Variants in NTNG1 observed in about 807,000 individuals in gnomAD.
NTNG1 encodes netrin G1, also known as netrin-G1.
NTNG1 carries 16 observed loss-of-function variants against 54.0 expected under a neutral mutation model. The ratio of observed to expected loss-of-function variants is 0.30; its 90% CI spans 0.20 to 0.45. The LOEUF is 0.45. Ranked by LOEUF, NTNG1 falls within the 20% of genes least tolerant of loss-of-function variation. The pLI, the probability that NTNG1 is intolerant of heterozygous loss-of-function variation, is 1.00. For missense variants in NTNG1, 530 were observed against 678.7 expected (o/e 0.78, Z 2.43); for synonymous variants, 255 against 263.1 (o/e 0.97, Z 0.30).
chr1:107,322,890 A>G (rs961131729), intron 2 of NTNG1, among the ~76,000 whole-genome samples: 1 of 152,034 alleles, frequency 6.6e-6, no homozygotes, highest in African/African-American at 2.4e-5. Flanking sequence ...CAACTTTAGG[A>G]TTCGGTTACA....
intron 3 of NTNG1, among the ~76,000 whole-genome samples, chr1:107,340,629 A>G (rs1184030880): frequency 6.6e-6 from 1 of 152,114 alleles, no homozygotes; most frequent in Non-Finnish European, 1.5e-5. Flanking sequence ...TTTACTATCA[A>G]AATGAGATGC....
intron 7 of NTNG1, among the ~76,000 whole-genome samples, chr1:107,472,111 T>C (rs1309676627): frequency 6.6e-6 from 1 of 152,144 alleles, no homozygotes; most frequent in Non-Finnish European, 1.5e-5. Context: ...GAGACTTGAA[T>C]CACAGAATCT....
intron 2 of NTNG1, among the ~76,000 whole-genome samples, chr1:107,187,465 G>A (rs963035198): frequency 6.6e-6 from 1 of 152,154 alleles, no homozygotes; most frequent in Admixed American, 6.6e-5. Context: ...TGAAAGTTAA[G>A]CTCTAGCATA....
At chr1:107,361,391 A>ATTTTT (rs1177736263) in intron 3 of NTNG1, among the ~76,000 whole-genome samples, 8 of 87,970 alleles carry the variant, frequency 9.1e-5, no homozygotes, top group South Asian at 4.0e-4. Flanking sequence ...ATATATATAT[A>ATTTTT]TTTTTTTTTT....
chr1:107,216,018 T>C (rs1659931970), intron 2 of NTNG1, among the ~76,000 whole-genome samples: 1 of 152,204 alleles, frequency 6.6e-6, no homozygotes, highest in Non-Finnish European at 1.5e-5. Context: ...CTTTGCTGAA[T>C]TCATTTCCCA....
intron 2 of NTNG1, among the ~76,000 whole-genome samples, chr1:107,319,778 A>G (rs1667543362): frequency 6.6e-6 from 1 of 151,912 alleles, no homozygotes; most frequent in African/African-American, 2.4e-5. Context: ...TGTTGTTTCC[A>G]ATAGTTTGCC....
At chr1:107,413,463 T>A (rs1673979809) in intron 5 of NTNG1, among the ~76,000 whole-genome samples, 1 of 151,818 alleles carries the variant, frequency 6.6e-6, no homozygotes, top group African/African-American at 2.4e-5. Flanking sequence ...TTTTTTCAAT[T>A]AAAAAAAATG....
intron 2 of NTNG1, among the ~76,000 whole-genome samples, chr1:107,239,666 A>G (rs116547023): frequency 2.6e-5 from 4 of 152,194 alleles, no homozygotes; most frequent in Admixed American, 2.6e-4. Context: ...AGGCCACTGG[A>G]GCCATGATGT....
intron 7 of NTNG1, among the ~76,000 whole-genome samples, chr1:107,452,730 G>A (rs941861578): frequency 6.6e-6 from 1 of 152,126 alleles, no homozygotes; most frequent in Non-Finnish European, 1.5e-5. Flanking sequence ...TCTCTGCCAT[G>A]ATACAATGAA....
At chr1:107,227,166 C>G (rs4431870) in intron 2 of NTNG1, among the ~76,000 whole-genome samples, 1 of 152,046 alleles carries the variant, frequency 6.6e-6, no homozygotes, top group African/African-American at 2.4e-5. Flanking sequence ...TGTTTGCCTA[C>G]GTTTCCTCAT....
chr1:107,395,068 G>T, intron 3 of NTNG1, 86 bp from the exon 4 acceptor site: 1 of 1,025,326 alleles, frequency 9.8e-7, no homozygotes, highest in Middle Eastern at 2.1e-4. Context: ...AGCACTGCAT[G>T]GTTTGAGGAG....
At chr1:107,242,735 CT>C (rs1456886693) in intron 2 of NTNG1, among the ~76,000 whole-genome samples, 2 of 152,166 alleles carry the variant, frequency 1.3e-5, no homozygotes, top group Non-Finnish European at 2.9e-5. Flanking sequence ...TCTTCCCTCT[CT>C]CCACTCGACC....
intron 2 of NTNG1, among the ~76,000 whole-genome samples, chr1:107,176,583 T>C (rs1264417234): frequency 3.3e-5 from 5 of 152,238 alleles, no homozygotes; most frequent in Admixed American, 3.3e-4. Context: ...GGTGCTGTGA[T>C]ACTTACATGA....
At chr1:107,226,750 TAC>T (rs1467783714) in intron 2 of NTNG1, among the ~76,000 whole-genome samples, 2 of 152,152 alleles carry the variant, frequency 1.3e-5, no homozygotes, top group African/African-American at 4.8e-5. Context: ...GTTGCTCATG[TAC>T]AGAGTCTCAC....
At chr1:107,244,104 ACC>A (rs1482238199) in intron 2 of NTNG1, among the ~76,000 whole-genome samples, 1 of 152,198 alleles carries the variant, frequency 6.6e-6, no homozygotes, top group Non-Finnish European at 1.5e-5. Flanking sequence ...TGAAAAATAC[ACC>A]TATCATTGCC....
intron 2 of NTNG1, among the ~76,000 whole-genome samples, chr1:107,182,831 T>A (rs1054250663): frequency 7.2e-5 from 11 of 152,176 alleles, no homozygotes; most frequent in African/African-American, 2.7e-4. Context: ...ACCATTCCTC[T>A]GTCCGCTGAT....
At chr1:107,464,829 C>G (rs534603001) in intron 7 of NTNG1, among the ~76,000 whole-genome samples, 2 of 152,254 alleles carry the variant, frequency 1.3e-5, no homozygotes, top group South Asian at 4.1e-4. Flanking sequence ...ATCCAAGATA[C>G]AGTTTTAGTT....
intron 7 of NTNG1, among the ~76,000 whole-genome samples, chr1:107,471,820 T>A (rs1677998453): frequency 6.6e-6 from 1 of 152,234 alleles, no homozygotes; most frequent in African/African-American, 2.4e-5. Flanking sequence ...TAAGTAGTGT[T>A]TAATTCATTA....
intron 2 of NTNG1, among the ~76,000 whole-genome samples, chr1:107,247,460 C>T (rs141304269): frequency 1.3e-5 from 2 of 152,304 alleles, no homozygotes; most frequent in East Asian, 1.9e-4. Flanking sequence ...ATACTTAAGA[C>T]TCTGATTCTT....
Sources: gnomAD v4.1 joint callset for allele counts (sites outside exome capture counted in the v4.1 genomes callset) on GRCh38, gnomAD v4.1.1 for gene constraint, MANE v1.5 for transcripts, NCBI Gene and HGNC (gene_info 2026-07-23, HGNC 2026-07-21) for gene names.